KAT14: variants seen among roughly 807,000 people sequenced by gnomAD.
KAT14 encodes the protein cysteine-rich protein 2-binding protein.
In KAT14, 66 loss-of-function variants were observed where a neutral mutation model predicts 78.4. The observed-to-expected ratio is 0.84, with a 90% CI of 0.69 to 1.03. The LOEUF is 1.03. KAT14 is among the 50% of genes least tolerant of loss of function. KAT14 has a pLI of 0.00. For missense variants in KAT14, 870 were observed against 972.5 expected, an observed-to-expected ratio of 0.89 and a Z score of 1.40; for synonymous variants, 344 against 359.4, an observed-to-expected ratio of 0.96 and a Z score of 0.48.
At position 18,154,027 on chromosome 20, in the gene KAT14, G is replaced by C. The variant is rs78132246; in HGVS notation, c.500+3085G>C. On this transcript the variant is annotated intron_variant, in intron 4 of 10. Coordinates refer to ENST00000688188, the MANE Select transcript of KAT14 (RefSeq NM_001392073.1). ...TTTGATCTAACCAGAAGAAGCAAAA[G>C]AGAATTAGAAATCACTTTATGATTC... is the stretch of plus-strand genomic sequence containing the variant. Among the ~76,000 whole-genome samples the C allele has an allele frequency of 4.9e-3, 748 of 152,322 alleles. 8 individuals are homozygous for C. The highest frequency in any genetic ancestry group is 0.017 in the African/African-American group (689 of 41,576).
At chr20:18,163,875 C>T (rs957220836) in intron 7 of KAT14, among the ~76,000 whole-genome samples, 7 of 152,136 alleles carry the variant, frequency 4.6e-5, no homozygotes, top group African/African-American at 1.7e-4. Context: ...TTAGAACTCC[C>T]CATTATTTGG....
At chr20:18,170,025 A>G (rs2038791309) in intron 7 of KAT14, among the ~76,000 whole-genome samples, 1 of 152,234 alleles carries the variant, frequency 6.6e-6, no homozygotes, top group Non-Finnish European at 1.5e-5. Context: ...AGGCTTGGAG[A>G]AGGGAGGAAG....
intron 2 of KAT14, 91 bp downstream of exon 2, chr20:18,143,010 C>T (rs1480132417): frequency 2.7e-6 from 4 of 1,498,974 alleles, no homozygotes; most frequent in East Asian, 4.8e-5. Flanking sequence ...GTAAAAGAGA[C>T]CTAAATAAAA....
At chr20:18,181,960 T>C in intron 8 of KAT14, 114 bp downstream of exon 8, 1 of 1,488,478 alleles carries the variant, frequency 6.7e-7, no homozygotes, top group Non-Finnish European at 9.0e-7. Flanking sequence ...GTGAACAACA[T>C]TGGCAAGGAC....
chr20:18,137,748 G>A, upstream of KAT14: 1 of 479,808 alleles, frequency 2.1e-6, no homozygotes, highest in Non-Finnish European at 3.5e-6. Context: ...GAGGCCCCTA[G>A]TGAAGCCAAG....
At chr20:18,162,972 C>G in intron 7 of KAT14, 27 bp downstream of exon 7, 1 of 1,604,802 alleles carries the variant, frequency 6.2e-7, no homozygotes, top group Non-Finnish European at 8.5e-7. Context: ...GCTGTAAAGC[C>G]CTTGGGGGCA....
intron 7 of KAT14, among the ~76,000 whole-genome samples, chr20:18,177,502 T>G (rs561143678): frequency 3.3e-5 from 5 of 152,348 alleles, no homozygotes; most frequent in Admixed American, 3.3e-4. Flanking sequence ...GGAGGAATTG[T>G]TAGTGGCTGT....
At chr20:18,181,601 C>T (rs1441002950) in intron 7 of KAT14, 109 bp from the exon 8 acceptor site, 4 of 1,487,984 alleles carry the variant, frequency 2.7e-6, no homozygotes, top group Non-Finnish European at 3.6e-6. Flanking sequence ...GATCTTGTGA[C>T]CTTGTGATCC....
At chr20:18,175,328 C>T (rs2038997237) in intron 7 of KAT14, among the ~76,000 whole-genome samples, 2 of 152,082 alleles carry the variant, frequency 1.3e-5, no homozygotes, top group Non-Finnish European at 2.9e-5. Flanking sequence ...GCTGCTCTGG[C>T]GTTACCTTCC....
intron 10 of KAT14, among the ~76,000 whole-genome samples, 185 bp downstream of exon 10, chr20:18,184,977 G>T (rs1466012820): frequency 6.6e-6 from 1 of 152,022 alleles, no homozygotes; most frequent in Non-Finnish European, 1.5e-5. Flanking sequence ...AAAAATCTTC[G>T]ACCCTCTAAA....
At chr20:18,160,743 G>C (rs1197141700) in intron 5 of KAT14, among the ~76,000 whole-genome samples, 2 of 152,110 alleles carry the variant, frequency 1.3e-5, no homozygotes, top group African/African-American at 4.8e-5. Flanking sequence ...CATCATGCCT[G>C]ACCTTTTGTT....
intron 4 of KAT14, among the ~76,000 whole-genome samples, chr20:18,152,918 G>A (rs149055562): frequency 1.7e-3 from 260 of 152,248 alleles, no homozygotes; most frequent in African/African-American, 5.9e-3. Context: ...CAGACCTTGC[G>A]ACCATATATT....
rs1218000254 is a variant in KAT14 at position 18,162,021 on chromosome 20, G to A, written c.881G>A (p.Ser294Asn). 6.2e-7 allele frequency: 1 copy of A among 1,614,224 alleles called. No homozygotes were observed. The highest frequency in any genetic ancestry group is 1.7e-5 in the Admixed American group (1 of 60,020). Residue 294 changes from serine (S) to asparagine (N), a missense_variant, in exon 6 of 11, where the codon AGC (serine) becomes AAC (asparagine). By Grantham distance (46) the Ser-to-Asn change is conservative (BLOSUM62 1). Transcript: ENST00000688188. ...STSSTPVKFI[S>N]RGRRPDVILE... ...TCTTCTACCCCTGTAAAATTCATAA[G>A]CCGAGGCCGCAGGCCAGATGTGATT...
chr20:18,150,033 G>A (rs190202214), intron 3 of KAT14, among the ~76,000 whole-genome samples: 2 of 152,250 alleles, frequency 1.3e-5, no homozygotes, highest in East Asian at 3.9e-4. Context: ...TGAAAGGATG[G>A]GATTATTTCT....
At chr20:18,176,300 C>CAAAAAAAA (rs11484238) in intron 7 of KAT14, among the ~76,000 whole-genome samples, 1 of 111,662 alleles carries the variant, frequency 9.0e-6, no homozygotes, top group Admixed American at 9.7e-5. Flanking sequence ...GACTTCGTCT[C>CAAAAAAAA]AAAAAAAAAA....
intron 4 of KAT14, among the ~76,000 whole-genome samples, chr20:18,156,491 A>G (rs906685493): frequency 9.9e-5 from 15 of 152,208 alleles, no homozygotes; most frequent in African/African-American, 3.4e-4. Flanking sequence ...ATTCCATTCC[A>G]TACAAATGTC....
In KAT14 at chr20:18,150,896, A is replaced by G. The variant is rs1163719356; in HGVS notation, c.454A>G (p.Ile152Val). ...RQGYFRWKED[I>V]CAFIEKHWTF... ...AGGTTATTTCAGGTGGAAAGAAGAT[A>G]TCTGTGCTTTTATTGAGAAACATTG... Residue 152 changes from isoleucine to valine, a missense_variant, in exon 4 of 11, where the codon ATC becomes GTC. Coordinates refer to ENST00000688188, the MANE Select transcript of KAT14 (RefSeq NM_001392073.1). 6.2e-7 allele frequency: 1 copy of G among 1,614,098 alleles called. No homozygotes were observed. The highest frequency in any genetic ancestry group is 1.7e-5 in the Admixed American group (1 of 60,000).
chr20:18,158,948 G>T (rs2038317954), intron 4 of KAT14, 136 bp from the exon 5 acceptor site: 2 of 1,070,444 alleles, frequency 1.9e-6, no homozygotes, highest in Non-Finnish European at 2.5e-6. Context: ...CCTCTCTCCT[G>T]CCTCTCGTGC....
At chr20:18,184,172 G>A (rs1478243949) in intron 9 of KAT14, among the ~76,000 whole-genome samples, 3 of 152,206 alleles carry the variant, frequency 2.0e-5, no homozygotes, top group Admixed American at 6.5e-5. Context: ...TAAATTATAT[G>A]TGTGGGGGGT....
Sources: allele counts gnomAD v4.1 joint callset (sites outside exome capture counted in the v4.1 genomes callset), GRCh38; gene constraint gnomAD v4.1.1; transcripts MANE v1.5; gene names NCBI Gene and HGNC (gene_info 2026-07-23, HGNC 2026-07-21).